Variants in DECR1 observed in about 807,000 individuals in gnomAD.
DECR1 encodes the protein 2,4-dienoyl-CoA reductase 1, also known as 2,4-dienoyl-CoA reductase [(3E)-enoyl-CoA-producing], mitochondrial.
In DECR1, 44 loss-of-function variants were observed where a neutral mutation model predicts 38.8. That is an observed-to-expected ratio of 1.13 (90% confidence interval 0.89 to 1.46). The LOEUF is 1.46. DECR1 is among the 40% of genes most tolerant of loss of function. The pLI, the probability that DECR1 is intolerant of heterozygous loss-of-function variation, is 0.00. For missense variants in DECR1, 428 were observed against 405.5 expected, an observed-to-expected ratio of 1.06 and a Z score of -0.48; for synonymous variants, 148 against 135.2, an observed-to-expected ratio of 1.09 and a Z score of -0.66.
chr8:90,032,496 C>A (rs190378258), intron 5 of DECR1, among the ~76,000 whole-genome samples: 1 of 152,212 alleles, frequency 6.6e-6, no homozygotes, highest in East Asian at 1.9e-4. Flanking sequence ...TCTCTTAAAT[C>A]CTGTAATCTT....
At chr8:90,045,084 A>G (rs1257298907) in intron 8 of DECR1, 89 bp downstream of exon 8, 2 of 1,157,980 alleles carry the variant, frequency 1.7e-6, no homozygotes, top group South Asian at 2.5e-5. Context: ...GACAATGCTG[A>G]ATGTAAATAT....
At chr8:90,034,311 T>C (rs1372185419) in intron 5 of DECR1, among the ~76,000 whole-genome samples, 2 of 152,218 alleles carry the variant, frequency 1.3e-5, no homozygotes, top group Non-Finnish European at 2.9e-5. Flanking sequence ...TGTAAACTTA[T>C]TTTGATCCTT....
intron 8 of DECR1, among the ~76,000 whole-genome samples, chr8:90,048,697 T>A (rs191617214): frequency 2.1e-3 from 319 of 152,330 alleles, no homozygotes; most frequent in African/African-American, 7.0e-3. Flanking sequence ...GAGGCCAGCA[T>A]CATCCTGATA....
intron 1 of DECR1, among the ~76,000 whole-genome samples, chr8:90,007,663 CA>C (rs1306312639): frequency 5.9e-5 from 9 of 152,000 alleles, no homozygotes; most frequent in Non-Finnish European, 1.3e-4. Context: ...TATATTATTA[CA>C]AAAAATAATC....
intron 5 of DECR1, among the ~76,000 whole-genome samples, chr8:90,032,670 A>G (rs1023703372): frequency 6.6e-6 from 1 of 152,182 alleles, no homozygotes; most frequent in Non-Finnish European, 1.5e-5. Flanking sequence ...TAAGTAAATA[A>G]TCATGTAATA....
chr8:90,052,733 T>G lies in DECR1; in HGVS notation c.*836T>G, dbSNP rs1340730151. On this transcript the variant is annotated 3_prime_UTR_variant, in exon 10 of 10. Transcript: ENST00000220764. ...AAATTTCATCTTTGGTTTGACTAATTTGTCATCCTGAAAATCAAATAATAA... is the reference window on the plus strand; with the variant it reads ...AAATTTCATCTTTGGTTTGACTAATGTGTCATCCTGAAAATCAAATAATAA... 6.6e-6 allele frequency among the ~76,000 whole-genome samples: 1 copy of G among 152,214 alleles called. No individual in the cohort carries two copies.
At chr8:90,042,399 A>G (rs923843932) in intron 6 of DECR1, 5 of 218,582 alleles carry the variant, frequency 2.3e-5, no homozygotes, top group African/African-American at 1.1e-4. Context: ...GGACAAAAGT[A>G]TATATTCTAA....
intron 5 of DECR1, among the ~76,000 whole-genome samples, chr8:90,022,098 G>A (rs752972477): frequency 6.6e-6 from 1 of 152,204 alleles, no homozygotes; most frequent in East Asian, 1.9e-4. Context: ...TGAAGGGTGC[G>A]GGTATTTTCT....
chr8:90,006,985 A>G (rs1023916755), intron 1 of DECR1, among the ~76,000 whole-genome samples: 3 of 152,194 alleles, frequency 2.0e-5, no homozygotes, highest in African/African-American at 4.8e-5. Context: ...CTGAAATGTC[A>G]GTAGGGTCTG....
rs766688335 is a variant in DECR1, at chr8:90,017,248, C to T, written c.194C>T (p.Thr65Ile). 40 of 1,614,038 alleles carry T rather than the reference C, an allele frequency of 2.5e-5. No individual in the cohort carries two copies. Among genetic ancestry groups the T allele is most frequent in the Non-Finnish European group, 3.2e-5 (38 of 1,180,042 alleles). ...TTTCAAGGAAAAGTGGCATTCATTACTGGGGGAGGTACTGGCCTTGGTAAA... is the reference window on the plus strand; with the variant it reads ...TTTCAAGGAAAAGTGGCATTCATTATTGGGGGAGGTACTGGCCTTGGTAAA... ...NSFQGKVAFI[T>I]GGGTGLGKGM... The change falls in exon 2 of 10, where the codon ACT (threonine) becomes ATT (isoleucine). Residue 65 changes from threonine to isoleucine, a missense_variant. Thr to Ile is a moderately conservative substitution (Grantham distance 89, BLOSUM62 -1). Coordinates refer to ENST00000220764, the MANE Select transcript of DECR1 (RefSeq NM_001359.2).
chr8:90,025,519 T>A (rs923988035), intron 5 of DECR1, among the ~76,000 whole-genome samples: 1 of 152,246 alleles, frequency 6.6e-6, no homozygotes, highest in African/African-American at 2.4e-5. Flanking sequence ...TTTGGCTTTC[T>A]GTTTGTCTGT....
chr8:90,043,907 C>T (rs1813824285), intron 7 of DECR1, among the ~76,000 whole-genome samples: 1 of 152,120 alleles, frequency 6.6e-6, no homozygotes, highest in Non-Finnish European at 1.5e-5. Flanking sequence ...GGAAAAATCA[C>T]CTGCATTTTA....
In DECR1 at chr8:90,001,510, G is replaced by T. The variant is rs892468338; in HGVS notation, c.18G>T (p.Arg6Ser). ...GACTCAACATGAAGCTACCGGCCAGGGTTTTCTTTACTCTGGGGTCCCGGC... is the reference window on the plus strand; with the variant it reads ...GACTCAACATGAAGCTACCGGCCAGTGTTTTCTTTACTCTGGGGTCCCGGC... Reference protein sequence around the residue: MKLPARVFFTLGSRLP... With the variant: MKLPASVFFTLGSRLP... Residue 6 changes from arginine (R) to serine (S), a missense_variant, in exon 1 of 10, where the codon AGG (arginine) becomes AGT (serine). By Grantham distance (110) the Arg-to-Ser change is moderately radical (BLOSUM62 -1). Coordinates refer to ENST00000220764, the MANE Select transcript of DECR1 (RefSeq NM_001359.2). 1 of 1,614,028 alleles carries T rather than the reference G, an allele frequency of 6.2e-7. No homozygotes were observed. Among genetic ancestry groups the T allele is most frequent in the Admixed American group, 1.7e-5 (1 of 60,028 alleles).
intron 5 of DECR1, among the ~76,000 whole-genome samples, chr8:90,026,337 TGA>T (rs1324077100): frequency 6.6e-6 from 1 of 152,230 alleles, no homozygotes; most frequent in African/African-American, 2.4e-5. Flanking sequence ...AATTTGGCTG[TGA>T]ATCTGTCTGT....
At position 90,052,099 on chromosome 8, in the gene DECR1, A is replaced by C. The variant is rs1814114007; in HGVS notation, c.*202A>C. The stretch of plus-strand genomic sequence containing the variant: ...TATAGTCCTTCAAAACATTAAAAAA[A>C]AAAAAAGGAGGCATGGGGAGAGTAG... On this transcript the variant is annotated 3_prime_UTR_variant, in exon 10 of 10. Coordinates refer to ENST00000220764, the MANE Select transcript of DECR1 (RefSeq NM_001359.2). The C allele has an allele frequency of 5.7e-6, 3 of 523,958 alleles. No homozygotes were observed. In the East Asian group the frequency reaches 9.5e-5, roughly 17 times the overall value. 32.5% of individuals were successfully genotyped at this position (523,958 alleles called of 1,614,324 possible).
chr8:90,008,893 A>C (rs553286561), intron 1 of DECR1, among the ~76,000 whole-genome samples: 2 of 152,328 alleles, frequency 1.3e-5, no homozygotes, highest in South Asian at 4.1e-4. Context: ...ACTTCCCACC[A>C]GTTCACATGA....
At chr8:90,010,826 G>T (rs1388316360) in intron 1 of DECR1, among the ~76,000 whole-genome samples, 2 of 152,092 alleles carry the variant, frequency 1.3e-5, no homozygotes, top group East Asian at 3.9e-4. Flanking sequence ...TTCAAGTAAG[G>T]TATATGTCCT....
chr8:90,044,393 C>T (rs57266874), intron 7 of DECR1, among the ~76,000 whole-genome samples: 10,400 of 152,290 alleles, frequency 0.068, 608 homozygotes, highest in African/African-American at 0.15. Context: ...GTTTTTCTCT[C>T]TCTAGAATCT....
chr8:90,044,722 T>G, intron 7 of DECR1, 127 bp from the exon 8 acceptor site: 1 of 892,042 alleles, frequency 1.1e-6, no homozygotes, highest in Non-Finnish European at 1.6e-6. Flanking sequence ...TGAAATTCTT[T>G]TTTACTTACA....
Sources: gnomAD v4.1 joint callset for allele counts (sites outside exome capture counted in the v4.1 genomes callset) on GRCh38, gnomAD v4.1.1 for gene constraint, MANE v1.5 for transcripts, NCBI Gene and HGNC (gene_info 2026-07-23, HGNC 2026-07-21) for gene names.